MAML3: variants seen among roughly 807,000 people sequenced by gnomAD.
MAML3 encodes mastermind-like protein 3.
Under a neutral mutation model 101.9 loss-of-function variants are expected in MAML3, and 27 were observed. That is an observed-to-expected ratio of 0.27 (90% confidence interval 0.20 to 0.37). The LOEUF (loss-of-function observed/expected upper bound fraction) is 0.37. Ranked by LOEUF, MAML3 falls within the 10% of genes least tolerant of loss-of-function variation. The probability of loss-of-function intolerance (pLI) is 1.00; values close to 1 mark genes in which losing one functional copy is unlikely to be tolerated. For missense variants in MAML3, 1,316 were observed against 1,444.9 expected, an observed-to-expected ratio of 0.91 and a Z score of 1.45; for synonymous variants, 501 against 555.9, an observed-to-expected ratio of 0.90 and a Z score of 1.39.
intron 1 of MAML3, among the ~76,000 whole-genome samples, chr4:140,101,796 A>G (rs1420487349): frequency 1.3e-5 from 2 of 152,112 alleles, no homozygotes; most frequent in Non-Finnish European, 2.9e-5. Flanking sequence ...TTATTCCACT[A>G]TATAAAATAG....
At chr4:139,902,297 A>G (rs1343014975) in intron 1 of MAML3, among the ~76,000 whole-genome samples, 7 of 152,026 alleles carry the variant, frequency 4.6e-5, no homozygotes, top group Admixed American at 3.3e-4. Context: ...ACACGTCTCA[A>G]TGAGCGAGCA....
chr4:140,056,554 C>A (rs977062037), intron 1 of MAML3, among the ~76,000 whole-genome samples: 1 of 151,866 alleles, frequency 6.6e-6, no homozygotes, highest in Non-Finnish European at 1.5e-5. Context: ...CGCCTATAAT[C>A]CCAGAAATTT....
chr4:139,837,990 A>G (rs1731288557), intron 2 of MAML3, among the ~76,000 whole-genome samples: 1 of 152,012 alleles, frequency 6.6e-6, no homozygotes, highest in Non-Finnish European at 1.5e-5. Flanking sequence ...GGCTGGGTAA[A>G]TAAGAGTCAT....
intron 1 of MAML3, among the ~76,000 whole-genome samples, chr4:139,941,709 T>A (rs1160598365): frequency 6.6e-6 from 1 of 152,220 alleles, no homozygotes; most frequent in East Asian, 1.9e-4. Context: ...GGTTGATACA[T>A]GCTAAACCTT....
chr4:140,061,062 G>T (rs1727439798), intron 1 of MAML3, among the ~76,000 whole-genome samples: 1 of 152,172 alleles, frequency 6.6e-6, no homozygotes, highest in Non-Finnish European at 1.5e-5. Flanking sequence ...TGACAAAAAG[G>T]CACGCACGTT....
At chr4:139,910,453 G>A (rs950574511) in intron 1 of MAML3, among the ~76,000 whole-genome samples, 1 of 152,132 alleles carries the variant, frequency 6.6e-6, no homozygotes, top group Non-Finnish European at 1.5e-5. Context: ...TGAGGTACTG[G>A]CTTTTAAATT....
At chr4:139,737,104 T>A (rs917879740) in intron 2 of MAML3, among the ~76,000 whole-genome samples, 5 of 152,118 alleles carry the variant, frequency 3.3e-5, no homozygotes, top group Non-Finnish European at 7.4e-5. Context: ...GAGTCCCCTA[T>A]AATGCCCTTG....
At chr4:140,135,132 GTTAA>G (rs1391167450) in intron 1 of MAML3, among the ~76,000 whole-genome samples, 3 of 152,342 alleles carry the variant, frequency 2.0e-5, no homozygotes, top group African/African-American at 4.8e-5. Flanking sequence ...GGAAAGTGGA[GTTAA>G]TTAGACTTTT....
intron 2 of MAML3, among the ~76,000 whole-genome samples, chr4:139,829,175 G>A (rs1731119186): frequency 6.7e-6 from 1 of 149,658 alleles, no homozygotes; most frequent in Non-Finnish European, 1.5e-5. Flanking sequence ...AGCACGGAAG[G>A]AAGTGGGAAA....
At chr4:139,730,691 A>C in intron 2 of MAML3, 24 bp from the exon 3 acceptor site, 1 of 1,597,292 alleles carries the variant, frequency 6.3e-7, no homozygotes, top group Non-Finnish European at 8.6e-7. Flanking sequence ...AGAGAGGGAG[A>C]TGCAGGGATT....
chr4:139,780,336 G>A (rs1459964597), intron 2 of MAML3, among the ~76,000 whole-genome samples: 1 of 152,054 alleles, frequency 6.6e-6, no homozygotes, highest in Non-Finnish European at 1.5e-5. Context: ...AAGAGAATTG[G>A]GTGTACTGAA....
At chr4:139,808,108 G>A (rs1364193857) in intron 2 of MAML3, among the ~76,000 whole-genome samples, 1 of 152,370 alleles carries the variant, frequency 6.6e-6, no homozygotes, top group South Asian at 2.1e-4. Context: ...AGTGTGTGGA[G>A]AGGGATGAGG....
intron 2 of MAML3, among the ~76,000 whole-genome samples, chr4:139,872,239 G>A (rs1732026223): frequency 6.6e-6 from 1 of 152,184 alleles, no homozygotes; most frequent in African/African-American, 2.4e-5. Context: ...CCAGCTTTTA[G>A]TAGAGGATAA....
intron 1 of MAML3, among the ~76,000 whole-genome samples, chr4:140,072,952 C>T (rs942525606): frequency 2.0e-5 from 3 of 152,086 alleles, no homozygotes; most frequent in Non-Finnish European, 2.9e-5. Flanking sequence ...GTGTTCATCC[C>T]AATATGAGCA....
chr4:140,027,764 T>C (rs1159413102), intron 1 of MAML3, among the ~76,000 whole-genome samples: 1 of 152,242 alleles, frequency 6.6e-6, no homozygotes, highest in African/African-American at 2.4e-5. Context: ...CAAGTCAATT[T>C]GAATTCATTT....
intron 1 of MAML3, among the ~76,000 whole-genome samples, chr4:140,060,884 C>A (rs375901122): frequency 9.9e-5 from 15 of 152,236 alleles, no homozygotes; most frequent in African/African-American, 3.6e-4. Flanking sequence ...CATACATATG[C>A]CATTGGATTT....
intron 2 of MAML3, among the ~76,000 whole-genome samples, chr4:139,877,700 GC>G (rs1244539007): frequency 6.6e-6 from 1 of 152,174 alleles, no homozygotes; most frequent in Non-Finnish European, 1.5e-5. Context: ...ATAGCCATGA[GC>G]TTGCTTCACA....
intron 4 of MAML3, among the ~76,000 whole-genome samples, chr4:139,725,054 C>T (rs950155203): frequency 3.3e-5 from 5 of 152,176 alleles, no homozygotes; most frequent in Non-Finnish European, 7.3e-5. Context: ...CCACCGCACC[C>T]GGCCAAGGGC....
At chr4:139,948,189 C>T (rs879369479) in intron 1 of MAML3, among the ~76,000 whole-genome samples, 1 of 151,908 alleles carries the variant, frequency 6.6e-6, no homozygotes, top group African/African-American at 2.4e-5. Context: ...ATATACAAAA[C>T]AAAAGTCTAT....
Sources: allele counts gnomAD v4.1 joint callset (sites outside exome capture counted in the v4.1 genomes callset), GRCh38; gene constraint gnomAD v4.1.1; transcripts MANE v1.5; gene names NCBI Gene and HGNC (gene_info 2026-07-23, HGNC 2026-07-21).